Variants in RAD51B observed in about 807,000 individuals in gnomAD.
RAD51B encodes the protein DNA repair protein RAD51 homolog 2.
In RAD51B, 38 loss-of-function variants were observed where a neutral mutation model predicts 42.2. The observed-to-expected ratio is 0.90, with a 90% CI of 0.70 to 1.18. The LOEUF is 1.18. Among genes scored for constraint, RAD51B ranks in the 50% most tolerant of loss-of-function variants. The pLI, the probability that RAD51B is intolerant of heterozygous loss-of-function variation, is 0.00. For synonymous variants in RAD51B, 154 were observed against 145.2 expected (o/e 1.06, Z -0.43); for missense variants, 373 against 400.7 (o/e 0.93, Z 0.59).
chr14:68,559,384 ATT>A (rs199719166), intron 10 of RAD51B, among the ~76,000 whole-genome samples: 3 of 142,374 alleles, frequency 2.1e-5, no homozygotes, highest in Admixed American at 7.0e-5. Flanking sequence ...TCCCAGGGGC[ATT>A]TTTTTTTTTT....
chr14:68,614,413 T>C (rs1284368463), downstream of RAD51B, among the ~76,000 whole-genome samples: 1 of 152,216 alleles, frequency 6.6e-6, no homozygotes, highest in Non-Finnish European at 1.5e-5. Flanking sequence ...AATTCCATGA[T>C]TTTTAGTATA....
At chr14:67,875,134 G>A (rs1211824884) in intron 5 of RAD51B, among the ~76,000 whole-genome samples, 1 of 152,116 alleles carries the variant, frequency 6.6e-6, no homozygotes, top group Non-Finnish European at 1.5e-5. Flanking sequence ...ATTTTAGGAG[G>A]TAGAAGTGGA....
At chr14:68,296,876 A>G (rs2081624364) in intron 8 of RAD51B, among the ~76,000 whole-genome samples, 1 of 152,212 alleles carries the variant, frequency 6.6e-6, no homozygotes, top group Admixed American at 6.5e-5. Context: ...ACCATAGCAC[A>G]TGAAAACTAA....
intron 10 of RAD51B, among the ~76,000 whole-genome samples, chr14:68,501,824 A>G (rs967526645): frequency 6.6e-6 from 1 of 152,260 alleles, no homozygotes; most frequent in African/African-American, 2.4e-5. Context: ...AGGCACAGGC[A>G]TGGGGTGGGC....
intron 7 of RAD51B, among the ~76,000 whole-genome samples, chr14:67,964,041 G>T (rs1472074168): frequency 6.6e-6 from 1 of 151,664 alleles, no homozygotes; most frequent in Non-Finnish European, 1.5e-5. Context: ...CACATCTCCT[G>T]ACTTTCTATG....
rs55833641 is a variant in RAD51B, at chr14:68,592,253, A to ATGTGTGTG, written c.1037-2206_1037-2199dup. On this transcript the variant is annotated intron_variant, in intron 10 of 10. Transcript: ENST00000487270. Reference sequence around the variant, plus strand: ...GGGAGGTACAAAGGGGTAGGCAATGATGTGTGTGTGTGTGTGTGTGTGTGT... The same window carrying ATGTGTGTG: ...GGGAGGTACAAAGGGGTAGGCAATGATGTGTGTGTGTGTGTGTGTGTGTGTGTGTGTGT... Among the ~76,000 whole-genome samples the ATGTGTGTG allele has an allele frequency of 4.5e-3, 635 of 140,054 alleles. 2 individuals carry two copies. The highest frequency in any genetic ancestry group is 5.7e-3 in the African/African-American group (197 of 34,686). 91.9% of individuals were successfully genotyped at this position (140,054 alleles called of 152,430 possible). A position where few individuals can be genotyped will look rare whatever the true frequency, so the allele number is the denominator to read the frequency against.
chr14:68,076,082 G>C (rs1256542281), intron 7 of RAD51B, among the ~76,000 whole-genome samples: 1 of 152,194 alleles, frequency 6.6e-6, no homozygotes, highest in Non-Finnish European at 1.5e-5. Flanking sequence ...GGAAATCATG[G>C]CTCCATGACA....
chr14:68,114,394 T>C (rs1254496178), intron 7 of RAD51B, among the ~76,000 whole-genome samples: 1 of 152,174 alleles, frequency 6.6e-6, no homozygotes, highest in Non-Finnish European at 1.5e-5. Context: ...CATTACCTGA[T>C]ATTTTACCAT....
At chr14:68,230,545 T>C (rs896903011) in intron 7 of RAD51B, among the ~76,000 whole-genome samples, 4 of 152,180 alleles carry the variant, frequency 2.6e-5, no homozygotes, top group African/African-American at 9.7e-5. Flanking sequence ...ATAATAAAGG[T>C]CAGGGGTGGT....
intron 5 of RAD51B, among the ~76,000 whole-genome samples, chr14:67,868,324 A>G (rs1185409963): frequency 6.6e-6 from 1 of 152,230 alleles, no homozygotes; most frequent in African/African-American, 2.4e-5. Flanking sequence ...AAGGGGTGAC[A>G]GACGGCACCT....
chr14:68,682,078 G>A (rs557338895), intron 11 of RAD51B, among the ~76,000 whole-genome samples: 20 of 152,140 alleles, frequency 1.3e-4, no homozygotes, highest in Non-Finnish European at 2.8e-4. Context: ...AATTCCCACC[G>A]TGCCTTAAAC....
intron 7 of RAD51B, among the ~76,000 whole-genome samples, chr14:68,153,000 C>T (rs1013384538): frequency 2.0e-5 from 3 of 152,054 alleles, no homozygotes; most frequent in African/African-American, 7.3e-5. Context: ...TCCAGTCTGC[C>T]ATTTATGGGC....
intron 10 of RAD51B, among the ~76,000 whole-genome samples, chr14:68,631,632 C>T (rs572097377): frequency 3.3e-5 from 5 of 152,286 alleles, no homozygotes; most frequent in African/African-American, 9.6e-5. Flanking sequence ...ATAAGGTGCA[C>T]CTTTTCCTCT....
rs118050103 is a variant in RAD51B at position 68,033,719 on chromosome 14, C to T, written c.756+146515C>T. 5.2e-3 allele frequency among the ~76,000 whole-genome samples: 794 copies of T among 152,262 alleles called. 5 individuals are homozygous for T. Among genetic ancestry groups the T allele is most frequent in the East Asian group, 0.014 (72 of 5,170 alleles). ...ACTTCACAGCCCTTCCCGCAGACTG[C>T]TTGGAGATGGCTCAAGTGGAACCTG... On this transcript the variant is annotated intron_variant, in intron 7 of 10. Transcript: ENST00000471583.
At chr14:67,983,754 G>C (rs1249826220) in intron 7 of RAD51B, among the ~76,000 whole-genome samples, 1 of 151,736 alleles carries the variant, frequency 6.6e-6, no homozygotes, top group Non-Finnish European at 1.5e-5. Context: ...TTTATATTTT[G>C]GGAGAAAGTT....
chr14:67,900,598 T>TTGTG (rs142144274), intron 7 of RAD51B, among the ~76,000 whole-genome samples: 1,644 of 142,248 alleles, frequency 0.012, 11 homozygotes, highest in African/African-American at 0.023. Context: ...TTCTTTCAGT[T>TTGTG]TGTGTGTGTG....
chr14:67,933,451 G>A (rs1002200717), intron 7 of RAD51B, among the ~76,000 whole-genome samples: 4 of 152,196 alleles, frequency 2.6e-5, no homozygotes, highest in Non-Finnish European at 5.9e-5. Flanking sequence ...GACTGACCCA[G>A]CATGAGTTCC....
intron 9 of RAD51B, among the ~76,000 whole-genome samples, chr14:68,460,930 T>C (rs761769065): frequency 4.6e-5 from 7 of 152,144 alleles, no homozygotes; most frequent in South Asian, 2.1e-4. Flanking sequence ...CTTCTGTGGG[T>C]CATCAATTTG....
Position 67,823,435 on chromosome 14 carries a change from G to C in RAD51B, c.-2-107G>C, listed in dbSNP as rs932750192. On this transcript the variant is annotated intron_variant, in intron 1 of 10. Coordinates refer to ENST00000471583, the MANE Select transcript of RAD51B (RefSeq NM_133510.4). ...CAATATGTTTCATTTTGCATATGGA[G>C]AAACTTGAGGAATTTTTAATTTTGT... 4.4e-5 allele frequency: 35 copies of C among 795,876 alleles called. No homozygotes were observed. The African/African-American group carries it at 6.3e-4, about 14-fold the overall frequency. The allele number at this position is 795,876 out of a possible 1,614,324, so 49.3% of individuals were successfully genotyped here.
Sources: allele counts gnomAD v4.1 joint callset (sites outside exome capture counted in the v4.1 genomes callset), GRCh38; gene constraint gnomAD v4.1.1; transcripts MANE v1.5; gene names NCBI Gene and HGNC (gene_info 2026-07-23, HGNC 2026-07-21).